The following BDP1 variants were observed in gnomAD, a reference collection of about 807,000 sequenced individuals.
BDP1 encodes the protein transcription factor TFIIIB component B'' homolog.
In BDP1, 169 loss-of-function variants were observed where a neutral mutation model predicts 266.6. That is an observed-to-expected ratio of 0.63 (90% CI 0.56 to 0.72). The LOEUF (loss-of-function observed/expected upper bound fraction) is 0.72, where lower values mean the gene tolerates loss of function less well. Among genes scored for constraint, BDP1 ranks in the 30% least tolerant of loss-of-function variants. BDP1 has a pLI of 0.00. For synonymous variants in BDP1, 1,090 were observed against 1,022.4 expected (o/e 1.07, Z -1.26); for missense variants, 3,015 against 3,053.8 (o/e 0.99, Z 0.30).
rs749645097 is a variant in BDP1, at chr5:71,539,026, T to TG, written c.5893-16_5893-15insG. 29 of 1,567,472 alleles carry TG rather than the reference T, an allele frequency of 1.9e-5. No homozygotes were observed. In the East Asian group the frequency reaches 6.1e-4, roughly 33 times the overall value. Reference sequence around the variant, plus strand: ...GGGAAGTATTTTAAGATGTTACTTATTTTTTTCCTTTTTAGGAAATGACCA... The same window carrying TG: ...GGGAAGTATTTTAAGATGTTACTTATGTTTTTTCCTTTTTAGGAAATGACCA... On this transcript the variant is annotated splice_polypyrimidine_tract_variant and intron_variant, in intron 26 of 38. Coordinates refer to ENST00000358731, the MANE Select transcript of BDP1 (RefSeq NM_018429.3).
At chr5:71,486,692 C>G in intron 9 of BDP1, 65 bp downstream of exon 9, 1 of 1,337,758 alleles carries the variant, frequency 7.5e-7, no homozygotes, top group Non-Finnish European at 9.9e-7. Flanking sequence ...TATTGTCCCT[C>G]AGGCCTTTGA....
chr5:71,499,709 G>A (rs1222059343), intron 13 of BDP1, among the ~76,000 whole-genome samples: 2 of 151,968 alleles, frequency 1.3e-5, no homozygotes, highest in Non-Finnish European at 2.9e-5. Flanking sequence ...TAATAGCTGT[G>A]TCATGTTAAC....
intron 28 of BDP1, among the ~76,000 whole-genome samples, chr5:71,539,853 C>T (rs1016898136): frequency 6.6e-6 from 1 of 151,812 alleles, no homozygotes; most frequent in Admixed American, 6.6e-5. Flanking sequence ...CAAGATCATG[C>T]TCTTGGTTTA....
chr5:71,477,391 C>A (rs917768441), intron 7 of BDP1, among the ~76,000 whole-genome samples: 1 of 151,874 alleles, frequency 6.6e-6, no homozygotes, highest in African/African-American at 2.4e-5. Context: ...TCAAGCAATC[C>A]TCCTGCTTCA....
At chr5:71,496,775 G>T (rs534114322) in intron 12 of BDP1, among the ~76,000 whole-genome samples, 2 of 152,196 alleles carry the variant, frequency 1.3e-5, no homozygotes, top group African/African-American at 4.8e-5. Context: ...TAGAAACGGG[G>T]TTTCACCATG....
intron 24 of BDP1, among the ~76,000 whole-genome samples, chr5:71,523,371 A>G (rs1476392186): frequency 1.3e-5 from 2 of 152,150 alleles, no homozygotes; most frequent in Non-Finnish European, 2.9e-5. Context: ...CTGGAGTACA[A>G]TTGCGTGACT....
intron 7 of BDP1, among the ~76,000 whole-genome samples, chr5:71,473,170 C>T (rs1762367053): frequency 6.6e-6 from 1 of 151,504 alleles, no homozygotes; most frequent in Non-Finnish European, 1.5e-5. Flanking sequence ...CAGGTGTGAG[C>T]CACTTGTCCT....
intron 22 of BDP1, among the ~76,000 whole-genome samples, chr5:71,521,960 C>CTTT (rs71931322): frequency 4.1e-5 from 6 of 144,984 alleles, no homozygotes; most frequent in Non-Finnish European, 9.1e-5. Flanking sequence ...AGCTACTTGC[C>CTTT]TTTTTTTTTT....
chr5:71,486,081 T>C (rs1033894631), intron 8 of BDP1, among the ~76,000 whole-genome samples: 2 of 152,220 alleles, frequency 1.3e-5, no homozygotes, highest in African/African-American at 2.4e-5. Context: ...GAATATCTTA[T>C]ACATGGTATC....
At chr5:71,456,943 T>G (rs1164063500) in intron 1 of BDP1, among the ~76,000 whole-genome samples, 1 of 152,132 alleles carries the variant, frequency 6.6e-6, no homozygotes, top group African/African-American at 2.4e-5. Flanking sequence ...AGGTGAAACA[T>G]TTATTTATTT....
At chr5:71,520,560 T>G (rs895199773) in intron 22 of BDP1, among the ~76,000 whole-genome samples, 3 of 152,194 alleles carry the variant, frequency 2.0e-5, no homozygotes, top group Non-Finnish European at 4.4e-5. Flanking sequence ...TTACTAATTA[T>G]GGGATTATTT....
rs1743750695 is a variant in BDP1, at chr5:71,562,529, T to A, written c.7743+9T>A. The A allele has an allele frequency of 6.2e-7, 1 of 1,612,106 alleles. No homozygotes were observed. The highest frequency in any genetic ancestry group is 1.1e-5 in the South Asian group (1 of 90,930). Reference sequence around the variant, plus strand: ...GCAGCTCAGCAACTCAGGTATGTGATAACTACTGTATTTTATAGTTTGTAT... The same window carrying A: ...GCAGCTCAGCAACTCAGGTATGTGAAAACTACTGTATTTTATAGTTTGTAT... On this transcript the variant is annotated intron_variant, in intron 38 of 38. Coordinates refer to ENST00000358731, the MANE Select transcript of BDP1 (RefSeq NM_018429.3).
At position 71,527,489 on chromosome 5, in the gene BDP1, G is replaced by T. The variant is rs184358701; in HGVS notation, c.5772+3166G>T. On this transcript the variant is annotated intron_variant, in intron 25 of 38. Transcript: ENST00000358731. ...TTTCTACATCTTGTCTCTTTAATTT[G>T]ACTCCTCATGTAAGTGGAATCATAC... Among the ~76,000 whole-genome samples the T allele has an allele frequency of 6.0e-3, 907 of 152,074 alleles. 4 individuals are homozygous for T. The highest frequency in any genetic ancestry group is 9.4e-3 in the Non-Finnish European group (641 of 68,008).
intron 4 of BDP1, among the ~76,000 whole-genome samples, chr5:71,465,135 T>G (rs1761827392): frequency 6.6e-6 from 1 of 152,032 alleles, no homozygotes; most frequent in South Asian, 2.1e-4. Flanking sequence ...CCTCCAAAAG[T>G]ACTAGGATTA....
chr5:71,505,090 A>G (rs1365396080), intron 16 of BDP1, among the ~76,000 whole-genome samples: 1 of 152,060 alleles, frequency 6.6e-6, no homozygotes, highest in African/African-American at 2.4e-5. Context: ...CACTGCAACC[A>G]CTGCTTCCCA....
Position 71,458,621 on chromosome 5 carries a change from T to G in BDP1, c.255T>G (p.Ser85Arg), listed in dbSNP as rs370599269. ...TGGDNDVEES[S>R]RSSSTVSQRR... ...GTGACAATGATGTTGAAGAATCCAGTAGATCTTCCTCTACTGTTTCACAGA... is the reference window on the plus strand; with the variant it reads ...GTGACAATGATGTTGAAGAATCCAGGAGATCTTCCTCTACTGTTTCACAGA... The change falls in exon 2 of 39, where the codon AGT (serine) becomes AGG (arginine). Residue 85 changes from serine (S) to arginine (R), a missense_variant. Around this residue, in one of 3 missense-constraint regions of BDP1, gnomAD observed 2,383 missense variants for 2,404.9 expected, o/e 0.99. Transcript: ENST00000358731. 158 of 1,613,282 alleles carry G rather than the reference T, an allele frequency of 9.8e-5. 1 individual carries two copies. The highest frequency in any genetic ancestry group is 7.5e-4 in the Admixed American group (45 of 60,020).
chr5:71,552,727 G>A (rs1412144624), intron 34 of BDP1, among the ~76,000 whole-genome samples: 10 of 152,268 alleles, frequency 6.6e-5, no homozygotes, highest in African/African-American at 2.4e-4. Flanking sequence ...GGCTGAGGCA[G>A]GAGAACCAGG....
chr5:71,477,164 T>C (rs1762641523), intron 7 of BDP1, among the ~76,000 whole-genome samples: 1 of 151,740 alleles, frequency 6.6e-6, no homozygotes, highest in Admixed American at 6.6e-5. Flanking sequence ...CCTTTCCTTT[T>C]CTTTTTTTTT....
intron 31 of BDP1, 33 bp from the exon 32 acceptor site, chr5:71,545,006 T>A: frequency 5.6e-6 from 9 of 1,606,258 alleles, no homozygotes; most frequent in Non-Finnish European, 7.7e-6. Flanking sequence ...TTTGCCTGAT[T>A]TCAAATGACA....
Sources: gnomAD v4.1 joint callset for allele counts (sites outside exome capture counted in the v4.1 genomes callset) on GRCh38, gnomAD v4.1.1 for gene constraint, gnomAD v4.1.1 regional missense constraint, MANE v1.5 for transcripts, NCBI Gene and HGNC (gene_info 2026-07-23, HGNC 2026-07-21) for gene names.